The following EPB41L4B variants were observed in gnomAD, a reference collection of about 807,000 sequenced individuals.
EPB41L4B encodes band 4.1-like protein 4B.
Under a neutral mutation model 112.5 loss-of-function variants are expected in EPB41L4B, and 30 were observed. That is an observed-to-expected ratio of 0.27 (90% CI 0.20 to 0.36). The LOEUF is 0.36. EPB41L4B is among the 10% of genes least tolerant of loss of function. The pLI is 1.00. For synonymous variants in EPB41L4B, 408 were observed against 439.7 expected (o/e 0.93, Z 0.90); for missense variants, 1,024 against 1,133.3 (o/e 0.90, Z 1.38).
chr9:109,250,440 C>T (rs138133651), intron 13 of EPB41L4B, among the ~76,000 whole-genome samples: 96 of 152,324 alleles, frequency 6.3e-4, no homozygotes, highest in African/African-American at 2.3e-3. Context: ...CGCCTTGAGA[C>T]CTGCGCCTGG....
intron 18 of EPB41L4B, among the ~76,000 whole-genome samples, chr9:109,204,029 A>G (rs1832916882): frequency 6.6e-6 from 1 of 152,206 alleles, no homozygotes; most frequent in Admixed American, 6.5e-5. Context: ...ATAGTGTGGG[A>G]AAAGCCAAAC....
intron 1 of EPB41L4B, among the ~76,000 whole-genome samples, chr9:109,281,037 C>CT (rs760264407): frequency 6.6e-6 from 1 of 151,782 alleles, no homozygotes; most frequent in Non-Finnish European, 1.5e-5. Context: ...AGCCTCATGA[C>CT]TTTGAGTTGG....
chr9:109,185,527 T>C lies in EPB41L4B; in HGVS notation c.2380A>G (p.Thr794Ala). The change falls in exon 23 of 26, where the codon ACT (threonine) becomes GCT (alanine). Residue 794 changes from threonine (T) to alanine (A), a missense_variant. Transcript: ENST00000374566. The stretch of plus-strand genomic sequence containing the variant: ...ATTGGAGGGTACATGCAAACTCCAG[T>C]GGTCTCTTCCTTCATGGGGAGAGAG... ...PLSLPMKEET[T>A]GVCMYPPIKT... The C allele has an allele frequency of 6.2e-7, 1 of 1,613,582 alleles. No individual in the cohort carries two copies. The highest frequency in any genetic ancestry group is 8.5e-7 in the Non-Finnish European group (1 of 1,179,748).
intron 15 of EPB41L4B, among the ~76,000 whole-genome samples, chr9:109,221,078 C>T (rs925687899): frequency 6.6e-6 from 1 of 152,208 alleles, no homozygotes; most frequent in Non-Finnish European, 1.5e-5. Context: ...ATCTGAGAAT[C>T]ATCCTTTCCC....
intron 15 of EPB41L4B, among the ~76,000 whole-genome samples, chr9:109,220,824 C>T (rs1362449886): frequency 6.6e-6 from 1 of 152,020 alleles, no homozygotes; most frequent in South Asian, 2.1e-4. Flanking sequence ...GAAGAAGGCA[C>T]GATTTTGGCT....
chr9:109,262,418 T>C (rs1346863562), intron 6 of EPB41L4B, among the ~76,000 whole-genome samples: 1 of 151,250 alleles, frequency 6.6e-6, no homozygotes, highest in Admixed American at 6.6e-5. Context: ...TCCTTCTCCT[T>C]GTACTGCCAA....
chr9:109,203,750 G>C lies in EPB41L4B; in HGVS notation c.1879-20C>G. On this transcript the variant is annotated intron_variant, in intron 18 of 25. Coordinates refer to ENST00000374566, the MANE Select transcript of EPB41L4B (RefSeq NM_019114.5). ...TCCACCCTGTTAAAGAAAGCATTCAGGTTAGTCAAAACTGAATATGTTGGC... is the reference window on the plus strand; with the variant it reads ...TCCACCCTGTTAAAGAAAGCATTCACGTTAGTCAAAACTGAATATGTTGGC... The C allele has an allele frequency of 1.2e-6, 2 of 1,605,706 alleles. No individual in the cohort carries two copies. The highest frequency in any genetic ancestry group is 1.7e-5 in the Admixed American group (1 of 59,924).
chr9:109,203,822 A>G (rs1287289195), intron 18 of EPB41L4B, 92 bp from the exon 19 acceptor site: 1 of 1,056,634 alleles, frequency 9.5e-7, no homozygotes, highest in African/African-American at 1.6e-5. Context: ...GATTATAGAA[A>G]TTGGCAAGTG....
intron 1 of EPB41L4B, among the ~76,000 whole-genome samples, chr9:109,283,620 T>C (rs983411428): frequency 9.9e-5 from 15 of 152,216 alleles, no homozygotes; most frequent in African/African-American, 3.4e-4. Context: ...ATGACAATGT[T>C]AGGTAAACAG....
intron 2 of EPB41L4B, among the ~76,000 whole-genome samples, chr9:109,272,309 A>T (rs1369810557): frequency 6.6e-6 from 1 of 152,054 alleles, no homozygotes; most frequent in Non-Finnish European, 1.5e-5. Flanking sequence ...TTTCTTTTTT[A>T]AAAATAGCTA....
chr9:109,320,482 G>T lies in EPB41L4B; in HGVS notation c.-36C>A. On this transcript the variant is annotated 5_prime_UTR_variant, in exon 1 of 26. Transcript: ENST00000374566. ...GGCGCCCCCTGCCTCCGCCCCCTGC[G>T]CTGCCGCTGCCGCTGCCGCTGCCGC... The T allele has an allele frequency of 1.3e-6, 1 of 757,916 alleles. No individual in the cohort carries two copies. Among genetic ancestry groups the T allele is most frequent in the Non-Finnish European group, 1.6e-6 (1 of 627,342 alleles). The allele number at this position is 757,916 out of a possible 1,614,324, so 46.9% of individuals were successfully genotyped here. A position where few individuals can be genotyped will look rare whatever the true frequency, so the allele number is the denominator to read the frequency against.
At chr9:109,278,243 G>A (rs1027347847) in intron 2 of EPB41L4B, among the ~76,000 whole-genome samples, 1 of 152,094 alleles carries the variant, frequency 6.6e-6, no homozygotes, top group Non-Finnish European at 1.5e-5. Flanking sequence ...GGGAGGGTTC[G>A]AGGAGGACAG....
intron 15 of EPB41L4B, among the ~76,000 whole-genome samples, chr9:109,223,854 A>G: frequency 6.6e-6 from 1 of 152,184 alleles, no homozygotes; most frequent in African/African-American, 2.4e-5. Context: ...CTCTGTCTCT[A>G]CTAAAAATAC....
At chr9:109,211,544 G>A (rs1160398120) in intron 17 of EPB41L4B, among the ~76,000 whole-genome samples, 4 of 148,488 alleles carry the variant, frequency 2.7e-5, no homozygotes, top group South Asian at 2.2e-4. Context: ...GCAGTGAGCC[G>A]AGATCATGCC....
rs1212539490 is a variant in EPB41L4B, at chr9:109,174,220, A to G, written c.*334T>C. ...ATACAAAATCAAATGGTTGAAATTG[A>G]TAGTAAAAGATCCTACATCATATTA... On this transcript the variant is annotated 3_prime_UTR_variant, in exon 26 of 26. Coordinates refer to ENST00000374566, the MANE Select transcript of EPB41L4B (RefSeq NM_019114.5). The G allele has an allele frequency of 1.1e-5, 2 of 190,258 alleles. No homozygotes were observed. Among genetic ancestry groups the G allele is most frequent in the Non-Finnish European group, 2.2e-5 (2 of 91,774 alleles). 11.8% of individuals were successfully genotyped at this position (190,258 alleles called of 1,614,324 possible). A position where few individuals can be genotyped will look rare whatever the true frequency, so the allele number is the denominator to read the frequency against.
rs201310807 is a variant in EPB41L4B, at chr9:109,176,554, G to A, written c.2630C>T (p.Ala877Val). The change falls in exon 25 of 26, where the codon GCC (alanine) becomes GTC (valine). Residue 877 changes from alanine to valine, a missense_variant. By Grantham distance (64) the Ala-to-Val change is moderately conservative. Coordinates refer to ENST00000374566, the MANE Select transcript of EPB41L4B (RefSeq NM_019114.5). ...GGAACCTGCTGACCTGACCTACCTG[G>A]CTGCCAGAGAAACAGGTTTCCGGGT... Reference protein sequence around the residue: ...YTTRKPVSLAASAETLRQELE... With the variant: ...YTTRKPVSLAVSAETLRQELE... 1,164 of 1,605,702 alleles carry A rather than the reference G, an allele frequency of 7.2e-4. 5 individuals are homozygous for A. Among genetic ancestry groups the A allele is most frequent in the Middle Eastern group, 2.3e-3 (14 of 6,030 alleles).
intron 13 of EPB41L4B, among the ~76,000 whole-genome samples, chr9:109,247,996 C>T (rs1370638167): frequency 5.9e-5 from 9 of 152,166 alleles, no homozygotes; most frequent in Admixed American, 3.9e-4. Context: ...TTTCACTTGT[C>T]CTTTTAGAGC....
intron 15 of EPB41L4B, among the ~76,000 whole-genome samples, chr9:109,226,975 A>C (rs1320889640): frequency 1.3e-5 from 2 of 151,608 alleles, no homozygotes; most frequent in Non-Finnish European, 2.9e-5. Context: ...AGTACCTACA[A>C]CTACAGGTGT....
chr9:109,286,939 C>A (rs1836309053), intron 1 of EPB41L4B, among the ~76,000 whole-genome samples: 1 of 152,166 alleles, frequency 6.6e-6, no homozygotes, highest in Non-Finnish European at 1.5e-5. Context: ...CCAGAGAGCT[C>A]CTACCTTTGA....
Sources: allele counts gnomAD v4.1 joint callset (sites outside exome capture counted in the v4.1 genomes callset), GRCh38; gene constraint gnomAD v4.1.1; transcripts MANE v1.5; gene names NCBI Gene and HGNC (gene_info 2026-07-23, HGNC 2026-07-21).